Variants in GRHL2 observed in about 807,000 individuals in gnomAD.
GRHL2 encodes the protein grainyhead like transcription factor 2.
GRHL2 carries 21 observed loss-of-function variants against 83.8 expected under a neutral mutation model. That is an observed-to-expected ratio of 0.25 (90% confidence interval 0.18 to 0.36). GRHL2 has a LOEUF of 0.36. Among genes scored for constraint, GRHL2 ranks in the 10% least tolerant of loss-of-function variants. The pLI is 1.00. For synonymous variants in GRHL2, 280 were observed against 278.9 expected (o/e 1.00, Z -0.04); for missense variants, 623 against 781.8 (o/e 0.80, Z 2.42).
downstream of GRHL2, among the ~76,000 whole-genome samples, chr8:101,671,180 G>A (rs2129801911): frequency 6.6e-6 from 1 of 152,320 alleles, no homozygotes; most frequent in Middle Eastern, 3.4e-3. Flanking sequence ...GTGCAGGACA[G>A]TAGGTGCAGT....
intron 9 of GRHL2, among the ~76,000 whole-genome samples, chr8:101,629,691 T>A (rs901611703): frequency 2.0e-5 from 3 of 151,912 alleles, no homozygotes; most frequent in African/African-American, 7.3e-5. Flanking sequence ...TTGTACAGAG[T>A]CCCTAGCACA....
intron 3 of GRHL2, among the ~76,000 whole-genome samples, chr8:101,558,111 C>A (rs59905624): frequency 6.6e-6 from 1 of 152,060 alleles, no homozygotes; most frequent in African/African-American, 2.4e-5. Context: ...GTGATCCATC[C>A]GCCTTGGCCT....
chr8:101,602,657 T>C (rs558360620), intron 8 of GRHL2, among the ~76,000 whole-genome samples: 9 of 152,214 alleles, frequency 5.9e-5, no homozygotes, highest in Non-Finnish European at 1.3e-4. Flanking sequence ...TGGCAACCAT[T>C]AGGCCTGAGT....
chr8:101,575,710 A>G (rs1277700241), intron 6 of GRHL2, among the ~76,000 whole-genome samples: 1 of 152,218 alleles, frequency 6.6e-6, no homozygotes, highest in Non-Finnish European at 1.5e-5. Context: ...GACACTTGCC[A>G]GAAAAAATAT....
chr8:101,586,544 T>G (rs920087420), intron 7 of GRHL2, among the ~76,000 whole-genome samples: 1 of 152,190 alleles, frequency 6.6e-6, no homozygotes, highest in Non-Finnish European at 1.5e-5. Context: ...CAGGCTTTGG[T>G]TTAGATCTAA....
At chr8:101,571,007 C>T (rs947113307) in intron 5 of GRHL2, among the ~76,000 whole-genome samples, 1 of 152,212 alleles carries the variant, frequency 6.6e-6, no homozygotes, top group Non-Finnish European at 1.5e-5. Flanking sequence ...CACTCAGGTG[C>T]CTTCCATGTG....
chr8:101,677,203 A>AAATAAT, the GRHL2 span, among the ~76,000 whole-genome samples: 32,499 of 148,000 alleles, frequency 0.22, 3,737 homozygotes, highest in African/African-American at 0.28. Flanking sequence ...CCTAAAACTT[A>AAATAAT]AATAATAACA....
chr8:101,657,582 T>A (rs1813821048), intron 14 of GRHL2, among the ~76,000 whole-genome samples: 1 of 152,194 alleles, frequency 6.6e-6, no homozygotes, highest in South Asian at 2.1e-4. Flanking sequence ...GGCTCACGCC[T>A]GTAATCCCAG....
At chr8:101,536,726 G>A (rs1037658200) in intron 1 of GRHL2, among the ~76,000 whole-genome samples, 10 of 152,168 alleles carry the variant, frequency 6.6e-5, no homozygotes, top group African/African-American at 1.9e-4. Context: ...GATTAGCTTA[G>A]TGTTGAAGAC....
intron 14 of GRHL2, among the ~76,000 whole-genome samples, chr8:101,654,103 C>T (rs994940959): frequency 6.6e-6 from 1 of 152,172 alleles, no homozygotes; most frequent in Non-Finnish European, 1.5e-5. Context: ...TCTAGGCTAC[C>T]ACCTTCATCA....
At chr8:101,671,746 G>A (rs183378566), downstream of GRHL2, among the ~76,000 whole-genome samples, 41 of 152,330 alleles carry the variant, frequency 2.7e-4, no homozygotes, top group East Asian at 4.2e-3. Flanking sequence ...CTCCTCAAGC[G>A]GGTCCTTGAC....
At chr8:101,608,715 C>CTTTTTTTA (rs1244428414) in intron 8 of GRHL2, among the ~76,000 whole-genome samples, 10 of 145,192 alleles carry the variant, frequency 6.9e-5, no homozygotes, top group African/African-American at 1.1e-4. Flanking sequence ...GCCAGATTTG[C>CTTTTTTTA]TTTGTCTCTG....
At position 101,552,742 on chromosome 8, in the gene GRHL2, G is replaced by A. The variant is rs780639699; in HGVS notation, c.244G>A (p.Val82Ile). 3 of 1,614,158 alleles carry A rather than the reference G, an allele frequency of 1.9e-6. No homozygotes were observed. Among genetic ancestry groups the A allele is most frequent in the Non-Finnish European group, 2.5e-6 (3 of 1,180,020 alleles). Reference protein sequence around the residue: ...KVPRDKRLLSVSKASDSQEDQ... With the variant: ...KVPRDKRLLSISKASDSQEDQ... ...TCCTCGAGACAAGAGGCTGCTGTCT[G>A]TAAGCAAAGCAAGTGACAGCCAAGA... The change falls in exon 3 of 16, where the codon GTA becomes ATA. Residue 82 changes from valine (V) to isoleucine (I), a missense_variant. By Grantham distance (29) the Val-to-Ile change is conservative. This residue lies in a region of GRHL2 where 239 missense variants were observed against 240.5 expected (regional missense o/e 0.99). Coordinates refer to ENST00000646743, the MANE Select transcript of GRHL2 (RefSeq NM_024915.4).
At chr8:101,600,778 C>T (rs1156795339) in intron 8 of GRHL2, among the ~76,000 whole-genome samples, 1 of 152,184 alleles carries the variant, frequency 6.6e-6, no homozygotes, top group African/African-American at 2.4e-5. Flanking sequence ...GAACCAGTAA[C>T]TGAGCAACAG....
At chr8:101,521,736 C>A (rs1047201622) in intron 1 of GRHL2, among the ~76,000 whole-genome samples, 1 of 152,088 alleles carries the variant, frequency 6.6e-6, no homozygotes, top group African/African-American at 2.4e-5. Flanking sequence ...TTTATTACAT[C>A]TTTATACTTG....
intron 1 of GRHL2, among the ~76,000 whole-genome samples, chr8:101,540,623 T>C (rs1267527161): frequency 6.6e-6 from 1 of 152,126 alleles, no homozygotes; most frequent in African/African-American, 2.4e-5. Context: ...TCAGTGTCTT[T>C]TTTTCTGACC....
At chr8:101,586,223 GCAC>G (rs1431664284) in intron 7 of GRHL2, among the ~76,000 whole-genome samples, 1 of 151,910 alleles carries the variant, frequency 6.6e-6, no homozygotes, top group African/African-American at 2.4e-5. Flanking sequence ...GGGACTACAG[GCAC>G]CTCATGTTTC....
intron 7 of GRHL2, among the ~76,000 whole-genome samples, chr8:101,588,292 G>GT (rs1202045276): frequency 6.6e-6 from 1 of 152,174 alleles, no homozygotes; most frequent in African/African-American, 2.4e-5. Context: ...ACAGTAAACT[G>GT]TAACGGCAAC....
At chr8:101,663,828 T>TA (rs1280847056) in intron 14 of GRHL2, among the ~76,000 whole-genome samples, 7 of 152,022 alleles carry the variant, frequency 4.6e-5, no homozygotes, top group African/African-American at 1.7e-4. Context: ...CTTTTTAACT[T>TA]AAGGAAGTTA....
Sources: allele counts gnomAD v4.1 joint callset (sites outside exome capture counted in the v4.1 genomes callset), GRCh38; gene constraint gnomAD v4.1.1; regional missense constraint gnomAD v4.1.1; transcripts MANE v1.5; gene names NCBI Gene and HGNC (gene_info 2026-07-23, HGNC 2026-07-21).